Variants in TTLL8 observed in about 807,000 individuals in gnomAD.
The protein encoded by TTLL8 is tubulin tyrosine ligase like 8.
Under a neutral mutation model 77.8 loss-of-function variants are expected in TTLL8, and 65 were observed. The observed-to-expected ratio is 0.84, with a 90% CI of 0.68 to 1.03. TTLL8 has a LOEUF of 1.03. TTLL8 is among the 50% of genes least tolerant of loss of function. The probability of loss-of-function intolerance (pLI) is 0.00; values close to 1 mark genes in which losing one functional copy is unlikely to be tolerated. For synonymous variants in TTLL8, 402 were observed against 422.8 expected (o/e 0.95, Z 0.60); for missense variants, 910 against 1,004.5 (o/e 0.91, Z 1.27).
chr22:50,030,776 G>A lies in TTLL8; in HGVS notation c.1857C>T (p.Pro619=), dbSNP rs1036200318. 6 of 1,346,534 alleles carry A rather than the reference G, an allele frequency of 4.5e-6. No individual in the cohort carries two copies. In the East Asian group the frequency reaches 1.9e-4, roughly 42 times the overall value. The allele number at this position is 1,346,534 out of a possible 1,614,324, so 83.4% of individuals were successfully genotyped here. A position where few individuals can be genotyped will look rare whatever the true frequency, so the allele number is the denominator to read the frequency against. ...CCTGGGCAGGGTCTGGCATGGCCGA[G>A]GGGCCCCGTGCCTTCAGCGGCTGCG... The change falls in exon 12 of 14, where the codon CCC becomes CCT. Residue 619 remains proline (P), a synonymous_variant. Transcript: ENST00000266182.
intron 8 of TTLL8, among the ~76,000 whole-genome samples, chr22:50,035,684 T>C (rs972873377): frequency 6.6e-6 from 1 of 152,130 alleles, no homozygotes; most frequent in African/African-American, 2.4e-5. Flanking sequence ...CACAGGTCAG[T>C]CCCCAACTAT....
chr22:50,056,609 A>T (rs2061472097), upstream of TTLL8, among the ~76,000 whole-genome samples: 1 of 152,172 alleles, frequency 6.6e-6, no homozygotes, highest in Non-Finnish European at 1.5e-5. The surrounding 1 kb of genome is among the most constrained non-coding windows in gnomAD (Gnocchi z 4.1). Flanking sequence ...AGAGCCCTCC[A>T]CACCCACACG....
Position 50,050,590 on chromosome 22 carries a change from G to A in TTLL8, c.52-343C>T, listed in dbSNP as rs1298228643. Among the ~76,000 whole-genome samples the A allele has an allele frequency of 3.3e-5, 5 of 152,076 alleles. No homozygotes were observed. The South Asian group carries it at 8.3e-4, about 25-fold the overall frequency. On this transcript the variant is annotated intron_variant, in intron 1 of 13. Transcript: ENST00000266182. ...CCACCTTGCCTAGTTCACAAGACAG[G>A]AGGAGAGAAAGAGCAAAAAGTTGGG... is the stretch of plus-strand genomic sequence containing the variant.
chr22:50,050,595 G>C (rs1364021962), intron 1 of TTLL8, among the ~76,000 whole-genome samples: 1 of 152,050 alleles, frequency 6.6e-6, no homozygotes, highest in Non-Finnish European at 1.5e-5. Context: ...GACAGGAGGA[G>C]AGAAAGAGCA....
At position 50,034,264 on chromosome 22, in the gene TTLL8, T is replaced by A; in HGVS notation, c.1039+81A>T. 7.9e-7 allele frequency: 1 copy of A among 1,272,934 alleles called. No individual in the cohort carries two copies. The highest frequency in any genetic ancestry group is 1.0e-6 in the Non-Finnish European group (1 of 976,184). The allele number at this position is 1,272,934 out of a possible 1,614,324, so 78.9% of individuals were successfully genotyped here. The stretch of plus-strand genomic sequence containing the variant: ...TTCCTTCCCTGTGGTGCTGTGGGCC[T>A]GAAACTGTCCCTCACTCACGGCTCC... On this transcript the variant is annotated intron_variant, in intron 9 of 13. Coordinates refer to ENST00000266182, the Ensembl canonical transcript of TTLL8. This position sits in a 1 kb window ranked among gnomAD's most constrained non-coding sequence, Gnocchi z 4.1.
chr22:50,043,311 G>A (rs1305908715), intron 6 of TTLL8, among the ~76,000 whole-genome samples: 1 of 151,018 alleles, frequency 6.6e-6, no homozygotes, highest in Admixed American at 6.6e-5. Flanking sequence ...GTGCCGACAT[G>A]TTCTTCGGTA....
At chr22:50,046,716 C>A (rs2061414267) in intron 4 of TTLL8, among the ~76,000 whole-genome samples, 1 of 152,344 alleles carries the variant, frequency 6.6e-6, no homozygotes. Context: ...TCAGCAGGGT[C>A]CCCACACCCT....
chr22:50,053,221 CAAAA>C (rs55893423), intron 1 of TTLL8, among the ~76,000 whole-genome samples: 1 of 103,134 alleles, frequency 9.7e-6, no homozygotes. Context: ...GACTCCATCT[CAAAA>C]AAAAAAAAAA....
exon 3 of TTLL8, chr22:50,049,293 G>C (rs2061430743): frequency 7.3e-7 from 1 of 1,367,648 alleles, no homozygotes; most frequent in Non-Finnish European, 9.8e-7. Context: ...GCCATTTCTT[G>C]ATTTTCTTTG....
At chr22:50,032,268 G>A (rs558245912) in intron 10 of TTLL8, among the ~76,000 whole-genome samples, 159 bp from the exon 12 acceptor site, 2 of 152,336 alleles carry the variant, frequency 1.3e-5, no homozygotes, top group South Asian at 2.1e-4. Context: ...TGGGATGAGC[G>A]TTACTGTCCC....
chr22:50,027,804 G>C, intron 12 of TTLL8: 1 of 985,480 alleles, frequency 1.0e-6, no homozygotes, highest in South Asian at 4.7e-5. Context: ...GGGGCACATG[G>C]AGCTGGCCTG....
At chr22:50,029,691 AC>A (rs1393329066) in intron 12 of TTLL8, among the ~76,000 whole-genome samples, 18 of 152,238 alleles carry the variant, frequency 1.2e-4, no homozygotes, top group Admixed American at 1.1e-3. Context: ...AGATCGCGCC[AC>A]GGCACTTCAG....
rs768994641 is a variant in TTLL8 at position 50,032,115 on chromosome 22, G to A, written c.1284-6C>T. 3.7e-6 allele frequency: 5 copies of A among 1,347,204 alleles called. No homozygotes were observed. In the Admixed American group the frequency reaches 5.8e-5, roughly 16 times the overall value. The allele number at this position is 1,347,204 out of a possible 1,614,324, so 83.5% of individuals were successfully genotyped here. A position where few individuals can be genotyped will look rare whatever the true frequency, so the allele number is the denominator to read the frequency against. ...TGTTGCACAGGTGGATGGCGCTGCAGGGGGGACGAGGGGCAGGTGCTCAGC... is the reference window on the plus strand; with the variant it reads ...TGTTGCACAGGTGGATGGCGCTGCAAGGGGGACGAGGGGCAGGTGCTCAGC... On this transcript the variant is annotated splice_region_variant and splice_polypyrimidine_tract_variant and intron_variant, in intron 10 of 13. Coordinates refer to ENST00000266182, the Ensembl canonical transcript of TTLL8.
At chr22:50,026,068 C>T (rs1415860162) in intron 12 of TTLL8, among the ~76,000 whole-genome samples, 1 of 152,192 alleles carries the variant, frequency 6.6e-6, no homozygotes, top group Admixed American at 6.5e-5. Flanking sequence ...CCCGTAAAGG[C>T]CAGAACAGGA....
chr22:50,028,139 C>T (rs998195102), intron 12 of TTLL8, among the ~76,000 whole-genome samples: 1 of 152,254 alleles, frequency 6.6e-6, no homozygotes, highest in African/African-American at 2.4e-5. Context: ...GCCCAGTGAA[C>T]TGGCAGCACC....
chr22:50,057,640 T>TGG (rs5845914), upstream of TTLL8, among the ~76,000 whole-genome samples: 2 of 27,802 alleles, frequency 7.2e-5, no homozygotes, highest in Non-Finnish European at 1.0e-4. Flanking sequence ...AGGTCTGGGT[T>TGG]GGGGTCAGGT....
exon 12 of TTLL8, chr22:50,030,792 A>T: frequency 7.4e-7 from 1 of 1,349,208 alleles, no homozygotes; most frequent in African/African-American, 1.5e-5. Context: ...CCGTGCCTTC[A>T]GCGGCTGCGC....
At chr22:50,048,622 G>A (rs1204907526) in intron 3 of TTLL8, among the ~76,000 whole-genome samples, 2 of 152,202 alleles carry the variant, frequency 1.3e-5, no homozygotes, top group Admixed American at 1.3e-4. Flanking sequence ...ACTGACTCCA[G>A]GAACCTGGAA....
At chr22:50,023,532 A>C (rs1268074317) in intron 12 of TTLL8, among the ~76,000 whole-genome samples, 1 of 151,862 alleles carries the variant, frequency 6.6e-6, no homozygotes, top group African/African-American at 2.4e-5. Context: ...AAAATACAAA[A>C]AAATTAGCTG....
Sources: gnomAD v4.1 joint callset for allele counts (sites outside exome capture counted in the v4.1 genomes callset) on GRCh38, gnomAD v4.1.1 for gene constraint, Gnocchi (gnomAD v3.1) non-coding constraint, MANE v1.5 for transcripts, NCBI Gene and HGNC (gene_info 2026-07-23, HGNC 2026-07-21) for gene names.